THUMPD2: variants seen among roughly 807,000 people sequenced by gnomAD.
THUMPD2 encodes the protein U6 snRNA (guanine-N(2))-methyltransferase THUMPD2.
THUMPD2 carries 56 observed loss-of-function variants against 49.4 expected under a neutral mutation model. The ratio of observed to expected loss-of-function variants is 1.13; its 90% confidence interval spans 0.91 to 1.41. THUMPD2 has a LOEUF of 1.41. Among genes scored for constraint, THUMPD2 ranks in the 40% most tolerant of loss-of-function variants. THUMPD2 has a pLI of 0.00. For synonymous variants in THUMPD2, 237 were observed against 205.2 expected (o/e 1.15, Z -1.32); for missense variants, 709 against 594.5 (o/e 1.19, Z -2.00).
intron 9 of THUMPD2, among the ~76,000 whole-genome samples, chr2:39,740,573 T>C (rs558373376): frequency 1.3e-5 from 2 of 152,310 alleles, no homozygotes; most frequent in South Asian, 4.2e-4. Context: ...TAAATGTCCT[T>C]CTAGGCATCT....
intron 8 of THUMPD2, among the ~76,000 whole-genome samples, chr2:39,745,669 A>C (rs1674482174): frequency 6.6e-6 from 1 of 152,188 alleles, no homozygotes; most frequent in African/African-American, 2.4e-5. Context: ...TTAGCTGCCC[A>C]TTATGTCCAG....
chr2:39,737,201 G>T, intron 9 of THUMPD2, 142 bp from the exon 10 acceptor site: 4 of 732,776 alleles, frequency 5.5e-6, no homozygotes, highest in Non-Finnish European at 8.7e-6. Context: ...TAATTAGGTA[G>T]TATCTTCTAT....
At chr2:39,760,589 G>T (rs1225080501) in intron 6 of THUMPD2, among the ~76,000 whole-genome samples, 3 of 152,110 alleles carry the variant, frequency 2.0e-5, no homozygotes, top group Non-Finnish European at 4.4e-5. Flanking sequence ...CACTGAAAGA[G>T]AGACCATCAG....
intron 8 of THUMPD2, among the ~76,000 whole-genome samples, chr2:39,754,741 A>G (rs550652816): frequency 1.9e-4 from 29 of 152,326 alleles, no homozygotes; most frequent in African/African-American, 6.5e-4. Context: ...CCCCTTCATT[A>G]AACAGGGTAC....
At chr2:39,761,274 A>G (rs547594859) in intron 6 of THUMPD2, 57 bp downstream of exon 6, 13 of 1,461,438 alleles carry the variant, frequency 8.9e-6, no homozygotes, top group African/African-American at 4.2e-5. Context: ...AAGAGACTGT[A>G]TAAGTTAATT....
At chr2:39,737,635 A>G (rs1439032572) in intron 9 of THUMPD2, among the ~76,000 whole-genome samples, 1 of 152,214 alleles carries the variant, frequency 6.6e-6, no homozygotes. Context: ...AGAGGCGAGT[A>G]AAGGGTGTGA....
intron 8 of THUMPD2, among the ~76,000 whole-genome samples, chr2:39,744,897 T>C (rs547787094): frequency 6.6e-6 from 1 of 152,284 alleles, no homozygotes; most frequent in Non-Finnish European, 1.5e-5. Flanking sequence ...AGAGGATCCA[T>C]AGCTATCATT....
chr2:39,746,532 A>G (rs1356961494), intron 8 of THUMPD2, among the ~76,000 whole-genome samples: 2 of 152,236 alleles, frequency 1.3e-5, no homozygotes, highest in African/African-American at 2.4e-5. Flanking sequence ...CTTGTGAACA[A>G]AAAATTTGCT....
At chr2:39,751,463 A>G (rs1172165774) in intron 8 of THUMPD2, among the ~76,000 whole-genome samples, 1 of 152,192 alleles carries the variant, frequency 6.6e-6, no homozygotes, top group African/African-American at 2.4e-5. Context: ...TAATTTTGCC[A>G]TTTTAATTAA....
intron 5 of THUMPD2, among the ~76,000 whole-genome samples, chr2:39,764,903 TA>T (rs150159006): frequency 0.027 from 4,086 of 152,340 alleles, 76 homozygotes; most frequent in South Asian, 0.038. Context: ...CTTTTATTTG[TA>T]AACTTCAAGG....
intron 9 of THUMPD2, among the ~76,000 whole-genome samples, chr2:39,741,383 C>A (rs1673877731): frequency 6.6e-6 from 1 of 152,190 alleles, no homozygotes; most frequent in African/African-American, 2.4e-5. Flanking sequence ...TAATAAACAT[C>A]TGTACATATA....
chr2:39,774,733 A>C (rs1204671518), intron 1 of THUMPD2, among the ~76,000 whole-genome samples: 1 of 152,152 alleles, frequency 6.6e-6, no homozygotes, highest in Non-Finnish European at 1.5e-5. Context: ...CAACACTCAG[A>C]GAAATAAGGC....
intron 4 of THUMPD2, 92 bp downstream of exon 4, chr2:39,768,332 T>C: frequency 9.0e-7 from 1 of 1,109,390 alleles, no homozygotes; most frequent in Non-Finnish European, 1.3e-6. Context: ...TTTATAACTG[T>C]AAAATAAAAC....
intron 6 of THUMPD2, among the ~76,000 whole-genome samples, chr2:39,758,730 T>C (rs1394777662): frequency 1.3e-5 from 2 of 151,948 alleles, no homozygotes; most frequent in Non-Finnish European, 2.9e-5. Context: ...AGTCACATTT[T>C]AGTCCTAGTG....
chr2:39,749,582 G>T (rs1675109579), intron 8 of THUMPD2, among the ~76,000 whole-genome samples: 1 of 152,158 alleles, frequency 6.6e-6, no homozygotes, highest in Non-Finnish European at 1.5e-5. Flanking sequence ...AGCATTCTTA[G>T]AATTACTAAG....
At chr2:39,777,226 C>T (rs369041301) in intron 1 of THUMPD2, among the ~76,000 whole-genome samples, 3 of 152,208 alleles carry the variant, frequency 2.0e-5, no homozygotes, top group African/African-American at 7.2e-5. Flanking sequence ...CTCTATTTTA[C>T]ATCCAAGAAA....
At chr2:39,768,904 T>C (rs1677910589) in intron 3 of THUMPD2, 1 of 1,300,464 alleles carries the variant, frequency 7.7e-7, no homozygotes, top group Non-Finnish European at 1.0e-6. Context: ...GACTCACCCT[T>C]TAGGGTTTGA....
chr2:39,778,393 TA>T (rs1679396301), intron 1 of THUMPD2, among the ~76,000 whole-genome samples: 1 of 152,234 alleles, frequency 6.6e-6, no homozygotes, highest in African/African-American at 2.4e-5. Context: ...TCCCACACTG[TA>T]GGAGCTGCCA....
chr2:39,751,607 T>A (rs933151980), intron 8 of THUMPD2, among the ~76,000 whole-genome samples: 21 of 152,054 alleles, frequency 1.4e-4, no homozygotes, highest in Admixed American at 1.1e-3. Flanking sequence ...AAACTTATAA[T>A]ATTCATTTGA....
Sources: allele counts gnomAD v4.1 joint callset (sites outside exome capture counted in the v4.1 genomes callset), GRCh38; gene constraint gnomAD v4.1.1; transcripts MANE v1.5; gene names NCBI Gene and HGNC (gene_info 2026-07-23, HGNC 2026-07-21).